RIC3: variants seen among roughly 807,000 people sequenced by gnomAD.
RIC3 encodes the protein RIC3 acetylcholine receptor chaperone.
A neutral mutation model predicts 27.3 loss-of-function variants in RIC3; 28 were observed. The ratio of observed to expected loss-of-function variants is 1.02; its 90% CI spans 0.76 to 1.41. The LOEUF (loss-of-function observed/expected upper bound fraction) is 1.41, where lower values mean the gene tolerates loss of function less well. Ranked by LOEUF, RIC3 falls within the 40% of genes most tolerant of loss-of-function variation. RIC3 has a pLI of 0.00. For synonymous variants in RIC3, 184 were observed against 160.4 expected (o/e 1.15, Z -1.11); for missense variants, 501 against 444.7 (o/e 1.13, Z -1.14).
intron 5 of RIC3, among the ~76,000 whole-genome samples, chr11:8,116,825 C>G (rs925080897): frequency 1.3e-5 from 2 of 152,186 alleles, no homozygotes; most frequent in South Asian, 2.1e-4. Flanking sequence ...TAAACTAGTA[C>G]AGTCACTATG....
intron 1 of RIC3, among the ~76,000 whole-genome samples, chr11:8,164,098 G>A (rs575586543): frequency 7.9e-4 from 120 of 152,238 alleles, no homozygotes; most frequent in African/African-American, 2.8e-3. Flanking sequence ...AATGAGAAAA[G>A]AAGAGTCTTT....
At chr11:8,147,094 A>G (rs1032072200) in intron 1 of RIC3, among the ~76,000 whole-genome samples, 1 of 152,214 alleles carries the variant, frequency 6.6e-6, no homozygotes, top group East Asian at 1.9e-4. Flanking sequence ...CAGAAATTCA[A>G]AAGAATGCAA....
Position 8,140,105 on chromosome 11 carries a change from G to A in RIC3, c.213C>T (p.His71=), listed in dbSNP as rs1415639283. The A allele has an allele frequency of 1.2e-6, 2 of 1,614,102 alleles. No homozygotes were observed. The highest frequency in any genetic ancestry group is 3.3e-5 in the Admixed American group (2 of 59,992). ...QTPGARFQRS[H]LAEAFAKAKG... ...TGGCCTTTGCAAATGCCTCGGCAAG[G>A]TGAGACCTCTGGAAACGAGCCCCAG... The change falls in exon 2 of 6, where the codon CAC becomes CAT. Residue 71 remains histidine (H), a synonymous_variant. Coordinates refer to ENST00000309737, the MANE Select transcript of RIC3 (RefSeq NM_001206671.4).
chr11:8,122,864 CAAAAAA>C (rs55826618), intron 5 of RIC3, among the ~76,000 whole-genome samples: 20 of 63,526 alleles, frequency 3.1e-4, no homozygotes, highest in South Asian at 1.8e-3. Flanking sequence ...ACCAGGTATG[CAAAAAA>C]AAAAAAAAAA....
chr11:8,143,698 C>T (rs914313766), intron 1 of RIC3, among the ~76,000 whole-genome samples: 1 of 151,904 alleles, frequency 6.6e-6, no homozygotes, highest in African/African-American at 2.4e-5. Context: ...CATATGGAAC[C>T]AAAAAAGAGC....
the RIC3 span, chr11:8,100,958 G>A: frequency 1.9e-6 from 3 of 1,614,136 alleles, no homozygotes; most frequent in Non-Finnish European, 2.5e-6. Context: ...CGTCACACAG[G>A]CCTCCGTGAA....
chr11:8,145,239 G>C lies in RIC3; in HGVS notation c.125-5046C>G, dbSNP rs192861627. 5.9e-4 allele frequency among the ~76,000 whole-genome samples: 89 copies of C among 150,382 alleles called. 1 individual carries two copies. The highest frequency in any genetic ancestry group is 6.7e-4 in the Non-Finnish European group (45 of 67,376). ...AGAAAGAAAATACAATGTGGTCTCA[G>C]GAGAAAAGAGAACTAGAAACTGGAA... On this transcript the variant is annotated intron_variant, in intron 1 of 5. Transcript: ENST00000309737.
the RIC3 span, chr11:8,100,720 G>A: frequency 2.6e-6 from 4 of 1,553,192 alleles, no homozygotes; most frequent in South Asian, 1.1e-5. Context: ...GAAAGCCCTG[G>A]AGGTCTAGGG....
chr11:8,152,004 T>G (rs1950284989), intron 1 of RIC3, among the ~76,000 whole-genome samples: 1 of 151,780 alleles, frequency 6.6e-6, no homozygotes, highest in Non-Finnish European at 1.5e-5. Flanking sequence ...GAAAGGATGC[T>G]TAACACCATT....
At chr11:8,116,788 A>T (rs762551280) in intron 5 of RIC3, among the ~76,000 whole-genome samples, 1 of 152,254 alleles carries the variant, frequency 6.6e-6, no homozygotes, top group Non-Finnish European at 1.5e-5. Flanking sequence ...GAGAAAAGGG[A>T]ACCCTTATAT....
At chr11:8,136,202 T>C (rs1948391446) in intron 4 of RIC3, among the ~76,000 whole-genome samples, 1 of 152,120 alleles carries the variant, frequency 6.6e-6, no homozygotes, top group African/African-American at 2.4e-5. Flanking sequence ...ATACCCACTC[T>C]CTCATATCCA....
chr11:8,167,287 A>G (rs77268610), intron 1 of RIC3, among the ~76,000 whole-genome samples: 3,452 of 152,320 alleles, frequency 0.023, 127 homozygotes, highest in African/African-American at 0.079. Flanking sequence ...AGAATATTCC[A>G]TATCATATAG....
the RIC3 span, chr11:8,097,874 G>A: frequency 6.9e-7 from 1 of 1,448,196 alleles, no homozygotes; most frequent in East Asian, 2.3e-5. Context: ...GGGAGGGGCA[G>A]GGGCAAGCTG....
At chr11:8,120,918 T>C (rs1305601991) in intron 5 of RIC3, among the ~76,000 whole-genome samples, 1 of 152,100 alleles carries the variant, frequency 6.6e-6, no homozygotes, top group African/African-American at 2.4e-5. Flanking sequence ...AGCCAAACAA[T>C]TTGTGTACAG....
chr11:8,105,602 C>CA (rs1429510707), downstream of RIC3: 1 of 152,106 alleles, frequency 6.6e-6, no homozygotes, highest in Admixed American at 6.6e-5. Context: ...TCTCTAGGTC[C>CA]ATTTTCCTAA....
chr11:8,105,182 C>T (rs1944498844), downstream of RIC3: 1 of 152,170 alleles, frequency 6.6e-6, no homozygotes, highest in South Asian at 2.1e-4. Context: ...GTAACACTGG[C>T]CTTCCCTTCT....
At chr11:8,154,155 T>C (rs2134163296) in intron 1 of RIC3, among the ~76,000 whole-genome samples, 1 of 152,290 alleles carries the variant, frequency 6.6e-6, no homozygotes, top group South Asian at 2.1e-4. Context: ...TATAAAAGTA[T>C]ACATACTTTA....
At chr11:8,113,758 C>T (rs1945525027) in intron 5 of RIC3, among the ~76,000 whole-genome samples, 1 of 152,162 alleles carries the variant, frequency 6.6e-6, no homozygotes, top group African/African-American at 2.4e-5. Flanking sequence ...AGGCTGAGGC[C>T]TGTGGCCCCA....
intron 4 of RIC3, 158 bp from the exon 5 acceptor site, chr11:8,126,965 G>A: frequency 1.2e-6 from 1 of 817,272 alleles, no homozygotes; most frequent in East Asian, 2.7e-5. Flanking sequence ...CTGGGAACTA[G>A]AGATGTTAGT....
Sources: allele counts gnomAD v4.1 joint callset (sites outside exome capture counted in the v4.1 genomes callset), GRCh38; gene constraint gnomAD v4.1.1; transcripts MANE v1.5; gene names NCBI Gene and HGNC (gene_info 2026-07-23, HGNC 2026-07-21).